Variants in UQCRH observed in about 807,000 individuals in gnomAD.
The protein encoded by UQCRH is ubiquinol-cytochrome c reductase hinge protein.
In UQCRH, 14 loss-of-function variants were observed where a neutral mutation model predicts 16.3. The ratio of observed to expected loss-of-function variants is 0.86; its 90% CI spans 0.57 to 1.34. UQCRH has a LOEUF of 1.34. Among genes scored for constraint, UQCRH ranks in the 40% most tolerant of loss-of-function variants. The pLI, the probability that UQCRH is intolerant of heterozygous loss-of-function variation, is 0.00. For synonymous variants in UQCRH, 41 were observed against 41.9 expected, an observed-to-expected ratio of 0.98 and a Z score of 0.08; for missense variants, 89 against 111.9, an observed-to-expected ratio of 0.80 and a Z score of 0.92.
Position 46,310,821 on chromosome 1 carries a change from A to C in UQCRH, c.243+505A>C, listed in dbSNP as rs373499895. Among the ~76,000 whole-genome samples the C allele has an allele frequency of 1.7e-3, 255 of 152,064 alleles. 3 individuals are homozygous for C. The highest frequency in any genetic ancestry group is 5.7e-3 in the African/African-American group (237 of 41,478). On this transcript the variant is annotated intron_variant, in intron 3 of 3. Coordinates refer to ENST00000311672, the MANE Select transcript of UQCRH (RefSeq NM_006004.4). ...GGTGGCTCATGCCTGTAATCCCAGC[A>C]CTTTGGGAGGCCGAGGCGGGTGGAT...
intron 3 of UQCRH, 70 bp from the exon 4 acceptor site, chr1:46,316,478 AGGTC>A: frequency 6.3e-7 from 1 of 1,599,616 alleles, no homozygotes; most frequent in Admixed American, 1.7e-5. Context: ...GTACTGTTTC[AGGTC>A]TTGAAGGACC....
intron 3 of UQCRH, among the ~76,000 whole-genome samples, chr1:46,313,840 CA>C (rs77691408): frequency 0.012 from 1,398 of 116,198 alleles, 20 homozygotes; most frequent in Middle Eastern, 0.059. Flanking sequence ...GACCCTGTCT[CA>C]AAAAAAAAAA....
At chr1:46,316,068 C>T (rs1661578416) in intron 3 of UQCRH, among the ~76,000 whole-genome samples, 1 of 152,092 alleles carries the variant, frequency 6.6e-6, no homozygotes. Flanking sequence ...CCCCGCCCCG[C>T]CTCCCATTTA....
At chr1:46,305,444 C>G (rs1216071834) in intron 1 of UQCRH, among the ~76,000 whole-genome samples, 1 of 150,664 alleles carries the variant, frequency 6.6e-6, no homozygotes, top group African/African-American at 2.4e-5. Flanking sequence ...GGCGCGGTGG[C>G]TCATGCCTGT....
intron 3 of UQCRH, 80 bp downstream of exon 3, chr1:46,310,396 G>T: frequency 6.3e-7 from 1 of 1,597,098 alleles, no homozygotes; most frequent in Non-Finnish European, 8.6e-7. Context: ...TCCATGCTAG[G>T]GAAAGGCCCA....
rs933799883 is a variant in UQCRH, at chr1:46,309,780, A to G, written c.82-375A>G. 7.7e-6 allele frequency: 8 copies of G among 1,034,118 alleles called. No individual in the cohort carries two copies. The African/African-American group carries it at 1.2e-4, about 15-fold the overall frequency. The allele number at this position is 1,034,118 out of a possible 1,614,324, so 64.1% of individuals were successfully genotyped here. A position where few individuals can be genotyped will look rare whatever the true frequency, so the allele number is the denominator to read the frequency against. On this transcript the variant is annotated intron_variant, in intron 2 of 3. Transcript: ENST00000311672. ...TGGGGTGCATAGGCCTGGTTCTCAGACAAGGGGATTTGAAGTTTCAGACGT... is the reference window on the plus strand; with the variant it reads ...TGGGGTGCATAGGCCTGGTTCTCAGGCAAGGGGATTTGAAGTTTCAGACGT...
chr1:46,304,847 C>G (rs1266948199), intron 1 of UQCRH, among the ~76,000 whole-genome samples: 1 of 152,170 alleles, frequency 6.6e-6, no homozygotes, highest in African/African-American at 2.4e-5. Context: ...CAGCGCGGTT[C>G]TAGAACCAGG....
intron 1 of UQCRH, among the ~76,000 whole-genome samples, chr1:46,308,462 G>T (rs1474019139): frequency 6.6e-6 from 1 of 152,172 alleles, no homozygotes; most frequent in Non-Finnish European, 1.5e-5. Context: ...TAGCTTATAG[G>T]GCTGGTTCCT....
In UQCRH at chr1:46,310,386, TC is replaced by T; in HGVS notation, c.243+72del. The stretch of plus-strand genomic sequence containing the variant: ...GGGAAGACTTGGTGCCAACAATCTT[TC>T]CATGCTAGGGAAAGGCCCATCAGTT... On this transcript the variant is annotated intron_variant, in intron 3 of 3. Transcript: ENST00000311672. 5 of 1,604,318 alleles carry T rather than the reference TC, an allele frequency of 3.1e-6. No homozygotes were observed. The South Asian group carries it at 5.5e-5, about 18-fold the overall frequency.
intron 1 of UQCRH, among the ~76,000 whole-genome samples, chr1:46,308,803 ACT>A (rs767702244): frequency 1.2e-4 from 18 of 152,254 alleles, no homozygotes; most frequent in Admixed American, 7.2e-4. Flanking sequence ...ACAGAGCAAG[ACT>A]CTGTCTCTTA....
chr1:46,308,116 C>T (rs955846349), intron 1 of UQCRH, among the ~76,000 whole-genome samples: 2 of 152,104 alleles, frequency 1.3e-5, no homozygotes, highest in African/African-American at 2.4e-5. Flanking sequence ...GTATTAAGCA[C>T]ACTTAGGTTC....
intron 1 of UQCRH, among the ~76,000 whole-genome samples, chr1:46,305,948 G>A (rs1264148826): frequency 6.6e-6 from 1 of 151,714 alleles, no homozygotes; most frequent in Admixed American, 6.6e-5. Flanking sequence ...TGAAATTACA[G>A]GCGCACGCCA....
intron 3 of UQCRH, among the ~76,000 whole-genome samples, chr1:46,314,211 A>C (rs1292625568): frequency 6.6e-6 from 1 of 152,058 alleles, no homozygotes; most frequent in Non-Finnish European, 1.5e-5. Context: ...CTCAAAATAC[A>C]AAAGATTAGC....
At chr1:46,310,423 C>T (rs959535898) in intron 3 of UQCRH, 107 bp downstream of exon 3, 17 of 1,502,718 alleles carry the variant, frequency 1.1e-5, no homozygotes, top group Non-Finnish European at 1.5e-5. Context: ...ACTCTGGGCC[C>T]AATATATGTG....
chr1:46,314,188 G>A (rs1363368802), intron 3 of UQCRH, among the ~76,000 whole-genome samples: 1 of 151,772 alleles, frequency 6.6e-6, no homozygotes, highest in Admixed American at 6.6e-5. Flanking sequence ...TGGCTAACAC[G>A]GTAAAACCCT....
At position 46,313,642 on chromosome 1, in the gene UQCRH, C is replaced by T. The variant is rs76479808; in HGVS notation, c.244-2910C>T. ...AGACTTCATCTCAAAAAAATATAGA[C>T]AGATAGATAGATAGATAGATAGATA... On this transcript the variant is annotated intron_variant, in intron 3 of 3. Transcript: ENST00000311672. 1.4e-3 allele frequency among the ~76,000 whole-genome samples: 203 copies of T among 145,880 alleles called. 2 individuals carry two copies. The highest frequency in any genetic ancestry group is 9.9e-3 in the South Asian group (44 of 4,456).
At chr1:46,306,836 G>A (rs1337068502) in intron 1 of UQCRH, among the ~76,000 whole-genome samples, 1 of 152,186 alleles carries the variant, frequency 6.6e-6, no homozygotes, top group Admixed American at 6.5e-5. Context: ...CTCCCAGCTT[G>A]TATGAGCTTT....
Position 46,303,724 on chromosome 1 carries a change from G to T in UQCRH, c.-43G>T, listed in dbSNP as rs369532051. 1.3e-4 allele frequency: 203 copies of T among 1,613,880 alleles called. No homozygotes were observed. Among genetic ancestry groups the T allele is most frequent in the Admixed American group, 1.7e-4 (10 of 59,978 alleles). On this transcript the variant is annotated 5_prime_UTR_variant, in exon 1 of 4. Transcript: ENST00000311672. ...TTCTTGATCCTGAACTGGGTTAGGT[G>T]CCGCTGTTGCTGCTCGTGTTGAATC...
intron 3 of UQCRH, among the ~76,000 whole-genome samples, chr1:46,315,480 G>C (rs1197808364): frequency 6.6e-6 from 1 of 151,288 alleles, no homozygotes; most frequent in East Asian, 1.9e-4. Context: ...TGTAATCCCA[G>C]CTACTCAGGA....
Sources: gnomAD v4.1 joint callset for allele counts (sites outside exome capture counted in the v4.1 genomes callset) on GRCh38, gnomAD v4.1.1 for gene constraint, MANE v1.5 for transcripts, NCBI Gene and HGNC (gene_info 2026-07-23, HGNC 2026-07-21) for gene names.